Variants in SASH1 observed in about 807,000 individuals in gnomAD.
SASH1 encodes the protein SAM and SH3 domain-containing protein 1.
A neutral mutation model predicts 125.2 loss-of-function variants in SASH1; 44 were observed. That is an observed-to-expected ratio of 0.35 (90% confidence interval 0.28 to 0.45). The LOEUF is 0.45. Among genes scored for constraint, SASH1 ranks in the 20% least tolerant of loss-of-function variants. SASH1 has a pLI of 1.00. For missense variants in SASH1, 1,426 were observed against 1,614.5 expected, an observed-to-expected ratio of 0.88 and a Z score of 2.00; for synonymous variants, 639 against 649.1, an observed-to-expected ratio of 0.98 and a Z score of 0.24.
chr6:148,363,310 T>A (rs946500656), intron 1 of SASH1, among the ~76,000 whole-genome samples: 1 of 151,636 alleles, frequency 6.6e-6, no homozygotes, highest in African/African-American at 2.4e-5. Context: ...TTTTTTTATT[T>A]ATTTATTTTT....
Position 148,380,152 on chromosome 6 carries a change from G to A in SASH1, c.157-9982G>A, listed in dbSNP as rs377127539. Among the ~76,000 whole-genome samples, 6 of 152,272 alleles carry A rather than the reference G, an allele frequency of 3.9e-5. No individual in the cohort carries two copies. In the East Asian group the frequency reaches 9.6e-4, roughly 24 times the overall value. On this transcript the variant is annotated intron_variant, in intron 1 of 19. Transcript: ENST00000367467. ...TTGATTGAGTTGTCTGGACTCCTGC[G>A]TCTCACTTACCAGTTGCGCCGGGGA...
chr6:148,206,794 C>G, the SASH1 span, among the ~76,000 whole-genome samples: 6 of 16,184 alleles, frequency 3.7e-4, no homozygotes, highest in Middle Eastern at 0.045. Context: ...CATCTCAAAG[C>G]ACACACACAC....
chr6:148,477,751 G>A (rs1038717172), intron 7 of SASH1, among the ~76,000 whole-genome samples: 23 of 127,196 alleles, frequency 1.8e-4, no homozygotes, highest in African/African-American at 7.3e-4. Flanking sequence ...AGGTTGGAGT[G>A]CAATGGTGCA....
At chr6:148,522,837 A>G (rs1562481127) in intron 10 of SASH1, among the ~76,000 whole-genome samples, 1 of 152,206 alleles carries the variant, frequency 6.6e-6, no homozygotes, top group Non-Finnish European at 1.5e-5. Flanking sequence ...GAGTCTCTTT[A>G]CAGTCCATTT....
the SASH1 span, among the ~76,000 whole-genome samples, chr6:148,222,703 A>G: frequency 1.3e-5 from 2 of 152,172 alleles, no homozygotes; most frequent in Non-Finnish European, 2.9e-5. Context: ...GAATCATTTT[A>G]CTACCATTAT....
chr6:148,421,652 T>C (rs1402250236), intron 2 of SASH1, among the ~76,000 whole-genome samples: 1 of 152,222 alleles, frequency 6.6e-6, no homozygotes, highest in Non-Finnish European at 1.5e-5. Context: ...GTAGGAACAT[T>C]TGAAAGACTC....
chr6:148,226,204 A>C, the SASH1 span, among the ~76,000 whole-genome samples: 2 of 152,232 alleles, frequency 1.3e-5, no homozygotes, highest in African/African-American at 4.8e-5. Context: ...AAAATGGTTT[A>C]TTTGATGTCT....
At chr6:148,442,429 G>A (rs1240545187) in intron 4 of SASH1, among the ~76,000 whole-genome samples, 1 of 152,148 alleles carries the variant, frequency 6.6e-6, no homozygotes, top group Non-Finnish European at 1.5e-5. Flanking sequence ...TAAAGTTACA[G>A]TAAAGTTTCA....
rs551852897 is a variant in SASH1, at chr6:148,476,765, G to A, written c.627+2543G>A. Among the ~76,000 whole-genome samples, 4 of 152,168 alleles carry A rather than the reference G, an allele frequency of 2.6e-5. No individual in the cohort carries two copies. In the South Asian group the frequency reaches 8.3e-4, roughly 32 times the overall value. On this transcript the variant is annotated intron_variant, in intron 7 of 19. Transcript: ENST00000367467. ...TACCTAGAACAGCCAAAGCCACCCT[G>A]AGCAAAAAGAACAAAACTGGGGGAA...
At chr6:148,253,675 A>G in the SASH1 span, among the ~76,000 whole-genome samples, 1 of 152,096 alleles carries the variant, frequency 6.6e-6, no homozygotes, top group African/African-American at 2.4e-5. Flanking sequence ...GTTTGAGACC[A>G]TCCTGGCCAA....
intron 2 of SASH1, among the ~76,000 whole-genome samples, chr6:148,434,315 T>C (rs1209196363): frequency 6.6e-6 from 1 of 152,144 alleles, no homozygotes; most frequent in Non-Finnish European, 1.5e-5. Context: ...GACCTCGTGA[T>C]CTGCCTGCCT....
Position 148,343,164 on chromosome 6 carries a change from C to A in SASH1, c.97C>A (p.Pro33Thr), listed in dbSNP as rs772087841. The change falls in exon 1 of 20, where the codon CCG (proline) becomes ACG (threonine). Residue 33 changes from proline to threonine, a missense_variant. Physicochemically the swap from Pro to Thr is conservative, Grantham distance 38 (BLOSUM62 -1). Coordinates refer to ENST00000367467, the MANE Select transcript of SASH1 (RefSeq NM_015278.5). ...GCCGGAGCCGGAACCGGAGCCCAAGCCGGGTGCTGGCACATCCGAGGCGTT... is the reference window on the plus strand; with the variant it reads ...GCCGGAGCCGGAACCGGAGCCCAAGACGGGTGCTGGCACATCCGAGGCGTT... ...PAPEPEPEPK[P>T]GAGTSEAFSR... 6.2e-7 allele frequency: 1 copy of A among 1,600,268 alleles called. No individual in the cohort carries two copies. The highest frequency in any genetic ancestry group is 1.3e-5 in the African/African-American group (1 of 74,944).
At chr6:148,408,517 A>G (rs752592709) in intron 2 of SASH1, among the ~76,000 whole-genome samples, 13 of 152,198 alleles carry the variant, frequency 8.5e-5, no homozygotes, top group Non-Finnish European at 1.8e-4. Flanking sequence ...CTCAATGTAT[A>G]AAAGAAGTTT....
intron 8 of SASH1, among the ~76,000 whole-genome samples, chr6:148,503,420 C>A (rs74329840): frequency 0.027 from 4,156 of 152,152 alleles, 71 homozygotes; most frequent in Non-Finnish European, 0.044. Context: ...TACGGGGGAC[C>A]ATGATATCAG....
chr6:148,311,415 A>G (rs7751935), intron 1 of SASH1, among the ~76,000 whole-genome samples: 134,220 of 152,248 alleles, frequency 0.88, 59,211 homozygotes, highest in East Asian at 0.93. Flanking sequence ...CCACACCTAA[A>G]TTTCTAATAA....
At chr6:148,443,720 T>A (rs1367812569) in intron 4 of SASH1, among the ~76,000 whole-genome samples, 1 of 152,110 alleles carries the variant, frequency 6.6e-6, no homozygotes, top group Non-Finnish European at 1.5e-5. Flanking sequence ...TTTCATTTGC[T>A]TTTAAAGATG....
intron 10 of SASH1, among the ~76,000 whole-genome samples, chr6:148,524,110 TATATATATATA>T (rs1780981380): frequency 1.1e-5 from 1 of 94,494 alleles, no homozygotes; most frequent in Non-Finnish European, 2.2e-5. Flanking sequence ...TATATATATA[TATATATATATA>T]TTTTTTTTAA....
chr6:148,264,105 T>A, the SASH1 span, among the ~76,000 whole-genome samples: 1 of 146,288 alleles, frequency 6.8e-6, no homozygotes, highest in East Asian at 2.0e-4. Context: ...CTTTCTCTGA[T>A]GAAAGGGAGA....
chr6:148,473,231 T>A (rs546558947), intron 6 of SASH1, among the ~76,000 whole-genome samples: 1 of 152,330 alleles, frequency 6.6e-6, no homozygotes, highest in South Asian at 2.1e-4. Context: ...TGTCTGTGAT[T>A]TGCACTTAGC....
Sources: gnomAD v4.1 joint callset for allele counts (sites outside exome capture counted in the v4.1 genomes callset) on GRCh38, gnomAD v4.1.1 for gene constraint, MANE v1.5 for transcripts, NCBI Gene and HGNC (gene_info 2026-07-23, HGNC 2026-07-21) for gene names.